RSPO2: variants seen among roughly 807,000 people sequenced by gnomAD.
The protein encoded by RSPO2 is R-spondin-2.
A neutral mutation model predicts 30.9 loss-of-function variants in RSPO2; 14 were observed. The observed-to-expected ratio is 0.45, with a 90% CI of 0.30 to 0.71. The LOEUF is 0.71. RSPO2 is among the 30% of genes least tolerant of loss of function. The probability of loss-of-function intolerance (pLI) is 0.08; values close to 1 mark genes in which losing one functional copy is unlikely to be tolerated. For synonymous variants in RSPO2, 107 were observed against 96.4 expected (o/e 1.11, Z -0.64); for missense variants, 264 against 301.9 (o/e 0.87, Z 0.93).
In RSPO2 at chr8:108,026,005, C is replaced by T. The variant is rs527998503; in HGVS notation, c.95-36761G>A. The stretch of plus-strand genomic sequence containing the variant: ...AGTATCTCCCACAAGATACTTATTC[C>T]GCTGGGAAATCTAGTAACTTTACAA... On this transcript the variant is annotated intron_variant, in intron 2 of 5. Transcript: ENST00000276659. 6.6e-5 allele frequency among the ~76,000 whole-genome samples: 10 copies of T among 152,214 alleles called. 1 individual carries two copies. The highest frequency in any genetic ancestry group is 3.4e-3 in the Middle Eastern group (1 of 294).
At chr8:107,936,331 T>A (rs1380770516) in intron 5 of RSPO2, among the ~76,000 whole-genome samples, 1 of 152,220 alleles carries the variant, frequency 6.6e-6, no homozygotes, top group Non-Finnish European at 1.5e-5. Flanking sequence ...ATTTTCTTTA[T>A]CCTTTCATCC....
intron 2 of RSPO2, among the ~76,000 whole-genome samples, chr8:108,044,862 G>C (rs779606018): frequency 6.6e-6 from 1 of 152,046 alleles, no homozygotes; most frequent in Non-Finnish European, 1.5e-5. Flanking sequence ...ATGCTGGATA[G>C]CTGGTTAGCT....
intron 2 of RSPO2, among the ~76,000 whole-genome samples, chr8:108,008,497 C>T (rs1815535394): frequency 6.6e-6 from 1 of 152,138 alleles, no homozygotes; most frequent in Non-Finnish European, 1.5e-5. Context: ...TACTAACATC[C>T]AGCTCACTCA....
intron 2 of RSPO2, among the ~76,000 whole-genome samples, chr8:108,033,124 C>T (rs994090016): frequency 4.1e-5 from 6 of 148,096 alleles, no homozygotes; most frequent in African/African-American, 1.5e-4. Context: ...TGGTCTCGAA[C>T]TTCTGGCCTC....
chr8:108,058,637 T>A (rs1315723436), intron 2 of RSPO2, among the ~76,000 whole-genome samples: 2 of 152,018 alleles, frequency 1.3e-5, no homozygotes. Context: ...ATGGTACTGG[T>A]ACCAAAACAG....
At chr8:108,078,003 T>C (rs969594811) in intron 2 of RSPO2, among the ~76,000 whole-genome samples, 2 of 152,090 alleles carry the variant, frequency 1.3e-5, no homozygotes, top group African/African-American at 2.4e-5. Context: ...AGGCAGTCAG[T>C]TGGAAGGAAA....
chr8:108,058,586 G>A (rs1812337086), intron 2 of RSPO2, among the ~76,000 whole-genome samples: 1 of 151,378 alleles, frequency 6.6e-6, no homozygotes, highest in South Asian at 2.1e-4. Flanking sequence ...CACACTACCT[G>A]ACTTCAAACC....
intron 5 of RSPO2, among the ~76,000 whole-genome samples, chr8:107,946,874 C>A (rs533529452): frequency 6.6e-6 from 1 of 152,184 alleles, no homozygotes; most frequent in Non-Finnish European, 1.5e-5. Flanking sequence ...CATACAAAGA[C>A]ATCCACCATC....
At chr8:108,035,502 G>A (rs965470901) in intron 2 of RSPO2, among the ~76,000 whole-genome samples, 7 of 151,964 alleles carry the variant, frequency 4.6e-5, no homozygotes, top group Non-Finnish European at 1.0e-4. Context: ...ACGGAGTCTC[G>A]CTCTGTTGCG....
chr8:107,983,678 A>T, intron 3 of RSPO2: 1 of 1,593,968 alleles, frequency 6.3e-7, no homozygotes, highest in East Asian at 2.2e-5. Context: ...CTTGTGGCAG[A>T]GAATTAAAGA....
Position 108,083,408 on chromosome 8 carries a change from G to T in RSPO2, c.-381C>A, listed in dbSNP as rs374123905. On this transcript the variant is annotated 5_prime_UTR_variant, in exon 1 of 6. Transcript: ENST00000276659. ...GCGGGTGCAGCCACTGGGATGCTCC[G>T]TCCCCGCCCGCGAGCGCGGTCCCCA... is the stretch of plus-strand genomic sequence containing the variant. The T allele has an allele frequency of 6.6e-6, 1 of 152,240 alleles. No individual in the cohort carries two copies. 9.4% of individuals were successfully genotyped at this position (152,240 alleles called of 1,614,324 possible). A position where few individuals can be genotyped will look rare whatever the true frequency, so the allele number is the denominator to read the frequency against.
intron 5 of RSPO2, among the ~76,000 whole-genome samples, chr8:107,937,212 G>C (rs1173472834): frequency 1.3e-5 from 2 of 150,500 alleles, no homozygotes; most frequent in Non-Finnish European, 3.0e-5. Flanking sequence ...TCTGCGTATG[G>C]ATTCTCAATT....
chr8:107,951,817 C>G (rs1267377680), intron 5 of RSPO2, among the ~76,000 whole-genome samples: 1 of 152,126 alleles, frequency 6.6e-6, no homozygotes, highest in African/African-American at 2.4e-5. Flanking sequence ...TGTCCACCCC[C>G]TCATCCTCCA....
chr8:108,006,805 T>C (rs1005157467), intron 2 of RSPO2, among the ~76,000 whole-genome samples: 1 of 152,192 alleles, frequency 6.6e-6, no homozygotes. Flanking sequence ...ATAATTTCCC[T>C]TGCATTCTCT....
chr8:108,039,971 C>T (rs1026402143), intron 2 of RSPO2, among the ~76,000 whole-genome samples: 2 of 152,128 alleles, frequency 1.3e-5, no homozygotes, highest in Admixed American at 6.6e-5. Context: ...AGATGTCCCT[C>T]ACCAGAGAAT....
rs115176773 is a variant in RSPO2, at chr8:108,027,449, G to A, written c.95-38205C>T. Among the ~76,000 whole-genome samples the A allele has an allele frequency of 3.7e-3, 570 of 152,220 alleles. 2 individuals are homozygous for A. Among genetic ancestry groups the A allele is most frequent in the African/African-American group, 0.013 (535 of 41,536 alleles). Reference sequence around the variant, plus strand: ...TATCTGGTACAATGACCAGATTCAGGAGTAACATACAATAATGATAATGAA... The same window carrying A: ...TATCTGGTACAATGACCAGATTCAGAAGTAACATACAATAATGATAATGAA... On this transcript the variant is annotated intron_variant, in intron 2 of 5. Transcript: ENST00000276659.
intron 2 of RSPO2, among the ~76,000 whole-genome samples, chr8:108,055,076 G>A (rs1020122668): frequency 3.3e-5 from 5 of 152,114 alleles, no homozygotes; most frequent in African/African-American, 9.7e-5. Context: ...AGCTGAGATC[G>A]CACCACTGCA....
intron 2 of RSPO2, 134 bp downstream of exon 2, chr8:108,082,411 G>T: frequency 1.5e-6 from 1 of 658,170 alleles, no homozygotes; most frequent in Non-Finnish European, 2.7e-6. Context: ...TAAAGGTGGG[G>T]ACTGGGGACC....
chr8:108,063,714 T>C (rs912822667), intron 2 of RSPO2, among the ~76,000 whole-genome samples: 2 of 151,922 alleles, frequency 1.3e-5, no homozygotes, highest in African/African-American at 4.9e-5. Context: ...AGAGCCCGCA[T>C]TGCCAAGTCA....
Sources: allele counts gnomAD v4.1 joint callset (sites outside exome capture counted in the v4.1 genomes callset), GRCh38; gene constraint gnomAD v4.1.1; transcripts MANE v1.5; gene names NCBI Gene and HGNC (gene_info 2026-07-23, HGNC 2026-07-21).